The following USP47 variants were observed in gnomAD, a reference collection of about 807,000 sequenced individuals.
The protein encoded by USP47 is ubiquitin specific peptidase 47.
Under a neutral mutation model 165.1 loss-of-function variants are expected in USP47, and 35 were observed. That is an observed-to-expected ratio of 0.21 (90% confidence interval 0.16 to 0.28). The LOEUF is 0.28. Among genes scored for constraint, USP47 ranks in the 10% least tolerant of loss-of-function variants. The pLI is 1.00. For missense variants in USP47, 1,277 were observed against 1,607.4 expected (o/e 0.79, Z 3.52); for synonymous variants, 531 against 544.5 (o/e 0.98, Z 0.35).
rs1303898930 is a variant in USP47, at chr11:11,941,481, A to T, written c.2314-854A>T. Among the ~76,000 whole-genome samples the T allele has an allele frequency of 3.3e-5, 5 of 152,046 alleles. No individual in the cohort carries two copies. In the East Asian group the frequency reaches 9.6e-4, roughly 29 times the overall value. On this transcript the variant is annotated intron_variant, in intron 19 of 27. Transcript: ENST00000527733. Reference sequence around the variant, plus strand: ...CAAATTTATGCCAAGTACGAATTTCATTTTAAAAAAAGATTTATTATGGAA... The same window carrying T: ...CAAATTTATGCCAAGTACGAATTTCTTTTTAAAAAAAGATTTATTATGGAA...
At chr11:11,909,519 T>C (rs1238500120) in intron 8 of USP47, among the ~76,000 whole-genome samples, 1 of 152,220 alleles carries the variant, frequency 6.6e-6, no homozygotes, top group African/African-American at 2.4e-5. Flanking sequence ...TGTTTGACAT[T>C]ATCTAAGGAA....
At chr11:11,950,664 C>G (rs928982056) in intron 24 of USP47, among the ~76,000 whole-genome samples, 182 bp downstream of exon 24, 1 of 152,074 alleles carries the variant, frequency 6.6e-6, no homozygotes, top group African/African-American at 2.4e-5. Context: ...TACGTCTTAT[C>G]CTTGGGAGTT....
At chr11:11,902,106 T>C (rs973932608) in intron 5 of USP47, among the ~76,000 whole-genome samples, 1 of 152,174 alleles carries the variant, frequency 6.6e-6, no homozygotes, top group Non-Finnish European at 1.5e-5. Context: ...CTCCATCATA[T>C]CATCTGTAAA....
intron 8 of USP47, among the ~76,000 whole-genome samples, chr11:11,917,439 T>C (rs57218772): frequency 0.055 from 8,314 of 152,060 alleles, 597 homozygotes; most frequent in African/African-American, 0.16. Context: ...TATATTAAAT[T>C]AAGGCCTAAA....
At position 11,842,237 on chromosome 11, in the gene USP47, A is replaced by G; in HGVS notation, c.39+13A>G. 6.4e-7 allele frequency: 1 copy of G among 1,552,044 alleles called. No homozygotes were observed. Reference sequence around the variant, plus strand: ...GGTCCCGAAAGAGGTGAGGGGCCCCAGAGGAGGTTAGGCCTTAGGCCTGCG... The same window carrying G: ...GGTCCCGAAAGAGGTGAGGGGCCCCGGAGGAGGTTAGGCCTTAGGCCTGCG... On this transcript the variant is annotated intron_variant, in intron 1 of 27. Coordinates refer to ENST00000527733, the MANE Select transcript of USP47 (RefSeq NM_001282659.2).
intron 1 of USP47, among the ~76,000 whole-genome samples, chr11:11,868,216 T>C (rs993674004): frequency 6.6e-6 from 1 of 152,202 alleles, no homozygotes; most frequent in East Asian, 1.9e-4. Flanking sequence ...TCACGTGATA[T>C]AGTCAAGATA....
intron 1 of USP47, chr11:11,873,883 T>G: frequency 2.2e-6 from 3 of 1,372,370 alleles, no homozygotes; most frequent in Non-Finnish European, 2.9e-6. Flanking sequence ...GTAATTGCTT[T>G]AATGTGATAA....
In USP47 at chr11:11,961,291, T is replaced by C. The variant is rs183259905; in HGVS notation, c.*5116T>C. On this transcript the variant is annotated 3_prime_UTR_variant, in exon 28 of 28. Transcript: ENST00000527733. ...TTTACCTGACAGGGCAAAAGAGATTTTGCAGATGCAATTAAGGTTAAGGAC... is the reference window on the plus strand; with the variant it reads ...TTTACCTGACAGGGCAAAAGAGATTCTGCAGATGCAATTAAGGTTAAGGAC... Among the ~76,000 whole-genome samples, 1 of 152,300 alleles carries C rather than the reference T, an allele frequency of 6.6e-6. No individual in the cohort carries two copies. Among genetic ancestry groups the C allele is most frequent in the Non-Finnish European group, 1.5e-5 (1 of 68,032 alleles).
chr11:11,958,414 A>C lies in USP47; in HGVS notation c.*2239A>C, dbSNP rs945487445. ...AGTGAAAACACAAAGTTGCACTTTA[A>C]TAATTTCAATAAAAGCTAATCTGTG... On this transcript the variant is annotated 3_prime_UTR_variant, in exon 28 of 28. Transcript: ENST00000527733. 2.0e-5 allele frequency: 3 copies of C among 152,264 alleles called. No homozygotes were observed. The highest frequency in any genetic ancestry group is 7.2e-5 in the African/African-American group (3 of 41,472). 9.4% of individuals were successfully genotyped at this position (152,264 alleles called of 1,614,324 possible).
chr11:11,916,849 A>G (rs1853456402), intron 8 of USP47, among the ~76,000 whole-genome samples: 1 of 151,896 alleles, frequency 6.6e-6, no homozygotes, highest in Non-Finnish European at 1.5e-5. Context: ...ATTTTAGTAA[A>G]CTATTAAAGA....
At position 11,959,120 on chromosome 11, in the gene USP47, G is replaced by A. The variant is rs1471589302; in HGVS notation, c.*2945G>A. 1 of 152,212 alleles carries A rather than the reference G, an allele frequency of 6.6e-6. No homozygotes were observed. The highest frequency in any genetic ancestry group is 1.5e-5 in the Non-Finnish European group (1 of 68,038). The allele number at this position is 152,212 out of a possible 1,614,324, so 9.4% of individuals were successfully genotyped here. On this transcript the variant is annotated 3_prime_UTR_variant, in exon 28 of 28. Transcript: ENST00000527733. ...CTAAATCTGGAAGTGACCTGTGAAT[G>A]TATGGAATACAATAAAGTCTTTTAT... is the stretch of plus-strand genomic sequence containing the variant.
intron 12 of USP47, 29 bp downstream of exon 12, chr11:11,929,594 T>A: frequency 6.2e-7 from 1 of 1,605,932 alleles, no homozygotes; most frequent in Non-Finnish European, 8.5e-7. Context: ...AGATTATTAC[T>A]CTGAAAGGTG....
At chr11:11,849,712 C>T (rs141690015) in intron 1 of USP47, among the ~76,000 whole-genome samples, 1 of 152,300 alleles carries the variant, frequency 6.6e-6, no homozygotes. Flanking sequence ...ATGATTCTCT[C>T]AGTTCTGTCT....
rs1240642110 is a variant in USP47, at chr11:11,959,667, A to G, written c.*3492A>G. On this transcript the variant is annotated 3_prime_UTR_variant, in exon 28 of 28. Transcript: ENST00000527733. ...TCAAGCATGCATTGGAGCATGTGTTACTATTTAGAAAAGAGTGCAGCCATC... is the reference window on the plus strand; with the variant it reads ...TCAAGCATGCATTGGAGCATGTGTTGCTATTTAGAAAAGAGTGCAGCCATC... 2.0e-5 allele frequency among the ~76,000 whole-genome samples: 3 copies of G among 152,230 alleles called. No homozygotes were observed. Among genetic ancestry groups the G allele is most frequent in the Non-Finnish European group, 4.4e-5 (3 of 68,040 alleles).
At chr11:11,877,803 CTCTGTGTGTGTG>C (rs1446262649) in intron 1 of USP47, among the ~76,000 whole-genome samples, 56 of 42,984 alleles carry the variant, frequency 1.3e-3, no homozygotes, top group South Asian at 3.3e-3. Flanking sequence ...CTCTCTCTCT[CTCTGTGTGTGTG>C]TGTGTGTGTG....
chr11:11,945,362 G>A (rs1440854387), intron 20 of USP47, among the ~76,000 whole-genome samples: 1 of 152,152 alleles, frequency 6.6e-6, no homozygotes, highest in African/African-American at 2.4e-5. Flanking sequence ...AGAACAGGTA[G>A]ACAATGAATT....
intron 1 of USP47, among the ~76,000 whole-genome samples, chr11:11,848,077 A>G (rs1848523510): frequency 6.6e-6 from 1 of 152,252 alleles, no homozygotes; most frequent in Non-Finnish European, 1.5e-5. Flanking sequence ...CCAGTAGGAA[A>G]GTCCTTGATA....
rs1359535565 is a variant in USP47 at position 11,957,134 on chromosome 11, T to A, written c.*959T>A. 6.6e-6 allele frequency: 1 copy of A among 152,228 alleles called. No homozygotes were observed. The highest frequency in any genetic ancestry group is 1.5e-5 in the Non-Finnish European group (1 of 68,044). 9.4% of individuals were successfully genotyped at this position (152,228 alleles called of 1,614,324 possible). A position where few individuals can be genotyped will look rare whatever the true frequency, so the allele number is the denominator to read the frequency against. ...CTGTTCAGCGGCTTCAATTTTTTTC[T>A]CTTTGTACATCTAGTTTTGAAGATT... On this transcript the variant is annotated 3_prime_UTR_variant, in exon 28 of 28. Coordinates refer to ENST00000527733, the MANE Select transcript of USP47 (RefSeq NM_001282659.2).
In USP47 at chr11:11,957,525, A is replaced by G. The variant is rs1847260201; in HGVS notation, c.*1350A>G. The G allele has an allele frequency of 6.6e-6, 1 of 152,652 alleles. No homozygotes were observed. Among genetic ancestry groups the G allele is most frequent in the Non-Finnish European group, 1.5e-5 (1 of 68,024 alleles). 9.5% of individuals were successfully genotyped at this position (152,652 alleles called of 1,614,324 possible). A position where few individuals can be genotyped will look rare whatever the true frequency, so the allele number is the denominator to read the frequency against. On this transcript the variant is annotated 3_prime_UTR_variant, in exon 28 of 28. Transcript: ENST00000527733. Reference sequence around the variant, plus strand: ...AAACATTTGTTCATTCTGTTGTGTTATTTTAGTCATTAAACTTCTGTGGAT... The same window carrying G: ...AAACATTTGTTCATTCTGTTGTGTTGTTTTAGTCATTAAACTTCTGTGGAT...
Sources: gnomAD v4.1 joint callset for allele counts (sites outside exome capture counted in the v4.1 genomes callset) on GRCh38, gnomAD v4.1.1 for gene constraint, MANE v1.5 for transcripts, NCBI Gene and HGNC (gene_info 2026-07-23, HGNC 2026-07-21) for gene names.